MOB1B: variants seen among roughly 807,000 people sequenced by gnomAD.
MOB1B encodes the protein MOB kinase activator 1B.
Under a neutral mutation model 24.4 loss-of-function variants are expected in MOB1B, and 19 were observed. The observed-to-expected ratio is 0.78, with a 90% CI of 0.54 to 1.14. The LOEUF (loss-of-function observed/expected upper bound fraction) is 1.14. Ranked by LOEUF, MOB1B falls within the 50% of genes most tolerant of loss-of-function variation. The pLI is 0.00. For synonymous variants in MOB1B, 76 were observed against 82.1 expected (o/e 0.93, Z 0.40); for missense variants, 243 against 259.6 (o/e 0.94, Z 0.44).
Position 70,982,651 on chromosome 4 carries a change from A to G in MOB1B, c.*594A>G, listed in dbSNP as rs1739252384. On this transcript the variant is annotated 3_prime_UTR_variant, in exon 6 of 6. Transcript: ENST00000309395. ...GGTATGCATGTAGAACATAAAAAATATTTCTTAATTATTTTTTATATTGAT... is the reference window on the plus strand; with the variant it reads ...GGTATGCATGTAGAACATAAAAAATGTTTCTTAATTATTTTTTATATTGAT... 1 of 152,574 alleles carries G rather than the reference A, an allele frequency of 6.6e-6. No homozygotes were observed. The highest frequency in any genetic ancestry group is 2.1e-4 in the South Asian group (1 of 4,830). The allele number at this position is 152,574 out of a possible 1,614,324, so 9.5% of individuals were successfully genotyped here. A position where few individuals can be genotyped will look rare whatever the true frequency, so the allele number is the denominator to read the frequency against.
At chr4:70,902,326 G>A (rs1026872746), upstream of MOB1B, 8 of 649,768 alleles carry the variant, frequency 1.2e-5, no homozygotes, top group Non-Finnish European at 2.2e-5. Context: ...CCCCTGGAGT[G>A]ATTCAAGACG....
chr4:70,923,158 G>A (rs13327922), intron 1 of MOB1B, among the ~76,000 whole-genome samples: 4,242 of 152,180 alleles, frequency 0.028, 189 homozygotes, highest in African/African-American at 0.095. Flanking sequence ...CCATTAAACA[G>A]TAAGCTCCAG....
At chr4:70,975,949 G>A (rs971303462) in intron 4 of MOB1B, 2 of 456,198 alleles carry the variant, frequency 4.4e-6, no homozygotes, top group African/African-American at 4.3e-5. Context: ...GCCCAGGCTG[G>A]AGTGCAGTGG....
intron 1 of MOB1B, among the ~76,000 whole-genome samples, chr4:70,908,843 A>T (rs1735863930): frequency 6.6e-6 from 1 of 151,002 alleles, no homozygotes; most frequent in Non-Finnish European, 1.5e-5. Context: ...TGAGGTCAGG[A>T]GTTCAAGACC....
chr4:70,984,622 A>T lies in MOB1B; in HGVS notation c.*2565A>T, dbSNP rs1039929023. 3 of 152,204 alleles carry T rather than the reference A, an allele frequency of 2.0e-5. No individual in the cohort carries two copies. The highest frequency in any genetic ancestry group is 7.2e-5 in the African/African-American group (3 of 41,464). 9.4% of individuals were successfully genotyped at this position (152,204 alleles called of 1,614,324 possible). ...TGATAAAAGCATCCCATAAAATATA[A>T]AGTAGTAAGTTAACATAGTATTATT... On this transcript the variant is annotated 3_prime_UTR_variant, in exon 6 of 6. Coordinates refer to ENST00000309395, the MANE Select transcript of MOB1B (RefSeq NM_173468.4).
At chr4:70,923,941 AAAAAAAAAAAAAAAAATTAGACTC>A (rs1466138915) in intron 1 of MOB1B, among the ~76,000 whole-genome samples, 3 of 60,254 alleles carry the variant, frequency 5.0e-5, no homozygotes, top group Non-Finnish European at 7.3e-5. Context: ...AGTGAGACTC[AAAAAAAAAAAAAAAAATTAGACTC>A]AAAAAAAAAA....
rs1041583567 is a variant in MOB1B at position 70,985,625 on chromosome 4, G to T, written c.*3568G>T. ...TGCAACCTCCACCTCCTGGGTTCAA[G>T]CATTTCTCCTGCCTCAGCCTCCCAA... On this transcript the variant is annotated 3_prime_UTR_variant, in exon 6 of 6. Coordinates refer to ENST00000309395, the MANE Select transcript of MOB1B (RefSeq NM_173468.4). 9.2e-5 allele frequency: 14 copies of T among 152,320 alleles called. No individual in the cohort carries two copies. The highest frequency in any genetic ancestry group is 3.4e-4 in the African/African-American group (14 of 41,416). The allele number at this position is 152,320 out of a possible 1,614,324, so 9.4% of individuals were successfully genotyped here.
chr4:70,957,665 A>T (rs1046172072), intron 1 of MOB1B, among the ~76,000 whole-genome samples: 3 of 151,206 alleles, frequency 2.0e-5, no homozygotes, highest in Non-Finnish European at 2.9e-5. Context: ...CTGGTCTCGA[A>T]CTCCTGGCCT....
intron 3 of MOB1B, among the ~76,000 whole-genome samples, chr4:70,973,024 C>T (rs112989959): frequency 0.018 from 2,734 of 152,102 alleles, 86 homozygotes; most frequent in African/African-American, 0.063. Context: ...CCGCCCGCCT[C>T]GGCCTCCCAA....
At chr4:70,918,036 C>T (rs1440441974) in intron 1 of MOB1B, among the ~76,000 whole-genome samples, 1 of 152,128 alleles carries the variant, frequency 6.6e-6, no homozygotes, top group Non-Finnish European at 1.5e-5. Flanking sequence ...TTAGAAATCC[C>T]ATACAATTTT....
At chr4:70,939,078 G>GAA (rs943812753) in intron 1 of MOB1B, among the ~76,000 whole-genome samples, 11 of 152,088 alleles carry the variant, frequency 7.2e-5, no homozygotes, top group Non-Finnish European at 1.5e-4. Context: ...CAAATTTGTT[G>GAA]AAAAAAGATT....
At chr4:70,946,149 T>C (rs1737573569) in intron 1 of MOB1B, among the ~76,000 whole-genome samples, 1 of 151,002 alleles carries the variant, frequency 6.6e-6, no homozygotes, top group Admixed American at 6.6e-5. Flanking sequence ...GGGCCTAATA[T>C]TGAAAATGAA....
At chr4:70,944,372 C>A (rs980464268) in intron 1 of MOB1B, among the ~76,000 whole-genome samples, 12 of 152,104 alleles carry the variant, frequency 7.9e-5, no homozygotes, top group African/African-American at 2.7e-4. Context: ...TGACTGTATA[C>A]TTTTTGACCA....
chr4:70,966,785 TTGGAGGC>T (rs942444394), intron 2 of MOB1B, among the ~76,000 whole-genome samples: 9 of 151,610 alleles, frequency 5.9e-5, no homozygotes, highest in Non-Finnish European at 8.8e-5. Flanking sequence ...AACCCAGGAG[TTGGAGGC>T]TGCAGTGAGC....
rs568294960 is a variant in MOB1B at position 70,985,785 on chromosome 4, G to T, written c.*3728G>T. The T allele has an allele frequency of 1.2e-4, 19 of 152,426 alleles. No individual in the cohort carries two copies. The highest frequency in any genetic ancestry group is 4.3e-4 in the African/African-American group (18 of 41,556). The allele number at this position is 152,426 out of a possible 1,614,324, so 9.4% of individuals were successfully genotyped here. ...TCCGCCCTCCCCAGCCTCCCAAAGT[G>T]CTGGGATTACAGGTGTGAGCCACCA... On this transcript the variant is annotated 3_prime_UTR_variant, in exon 6 of 6. Coordinates refer to ENST00000309395, the MANE Select transcript of MOB1B (RefSeq NM_173468.4).
At chr4:70,951,351 A>G (rs1020546979) in intron 1 of MOB1B, among the ~76,000 whole-genome samples, 3 of 152,214 alleles carry the variant, frequency 2.0e-5, no homozygotes, top group African/African-American at 4.8e-5. Flanking sequence ...AAAATAAATG[A>G]TACTGAAATT....
chr4:70,920,098 A>G (rs548773778), intron 1 of MOB1B, among the ~76,000 whole-genome samples: 3 of 152,354 alleles, frequency 2.0e-5, no homozygotes, highest in South Asian at 2.1e-4. Context: ...GACATATTTT[A>G]CCAATTATCT....
chr4:70,932,493 C>G (rs1163967441), intron 1 of MOB1B, among the ~76,000 whole-genome samples: 1 of 152,020 alleles, frequency 6.6e-6, no homozygotes, highest in Non-Finnish European at 1.5e-5. Context: ...AGGCATTGCA[C>G]TAGTATTTTA....
At chr4:70,925,558 C>T (rs1736615831) in intron 1 of MOB1B, among the ~76,000 whole-genome samples, 1 of 152,120 alleles carries the variant, frequency 6.6e-6, no homozygotes, top group Non-Finnish European at 1.5e-5. Flanking sequence ...CTCTACATAA[C>T]CATAATCCTT....
Sources: allele counts gnomAD v4.1 joint callset (sites outside exome capture counted in the v4.1 genomes callset), GRCh38; gene constraint gnomAD v4.1.1; transcripts MANE v1.5; gene names NCBI Gene and HGNC (gene_info 2026-07-23, HGNC 2026-07-21).